The following SEMA6D variants were observed in gnomAD, a reference collection of about 807,000 sequenced individuals.
SEMA6D encodes the protein semaphorin-6D.
In SEMA6D, 35 loss-of-function variants were observed where a neutral mutation model predicts 106.6. The ratio of observed to expected loss-of-function variants is 0.33; its 90% CI spans 0.25 to 0.44. SEMA6D has a LOEUF of 0.44. Among genes scored for constraint, SEMA6D ranks in the 20% least tolerant of loss-of-function variants. SEMA6D has a pLI of 1.00. For missense variants in SEMA6D, 1,185 were observed against 1,345.9 expected (o/e 0.88, Z 1.87); for synonymous variants, 499 against 487.7 (o/e 1.02, Z -0.31).
At chr15:47,199,878 A>G (rs1278205672) in intron 1 of SEMA6D, among the ~76,000 whole-genome samples, 3 of 152,156 alleles carry the variant, frequency 2.0e-5, no homozygotes, top group African/African-American at 7.2e-5. Flanking sequence ...GCAGTGAGCT[A>G]GGTTAGCTAG....
intron 2 of SEMA6D, among the ~76,000 whole-genome samples, chr15:47,435,555 T>A (rs1315812893): frequency 6.6e-6 from 1 of 152,062 alleles, no homozygotes; most frequent in African/African-American, 2.4e-5. Flanking sequence ...GGGAAGTCTG[T>A]GGCTGCTGTG....
At chr15:47,392,691 G>T (rs1360564998) in intron 1 of SEMA6D, among the ~76,000 whole-genome samples, 11 of 152,284 alleles carry the variant, frequency 7.2e-5, no homozygotes, top group African/African-American at 2.6e-4. Context: ...TCCAGAAGTC[G>T]AAGATAATAA....
At chr15:47,519,052 C>G (rs1239878248) in intron 3 of SEMA6D, among the ~76,000 whole-genome samples, 1 of 152,012 alleles carries the variant, frequency 6.6e-6, no homozygotes, top group African/African-American at 2.4e-5. Context: ...TGGTGAAACC[C>G]TGTCTCTACT....
chr15:47,292,632 G>C (rs1192434074), intron 1 of SEMA6D, among the ~76,000 whole-genome samples: 1 of 152,086 alleles, frequency 6.6e-6, no homozygotes, highest in Non-Finnish European at 1.5e-5. Context: ...AGGAGGTCTT[G>C]GATTTCCATG....
At chr15:47,218,433 C>A (rs927644314) in intron 1 of SEMA6D, among the ~76,000 whole-genome samples, 1 of 152,114 alleles carries the variant, frequency 6.6e-6, no homozygotes, top group African/African-American at 2.4e-5. Context: ...GAGAATCTAA[C>A]CACCATCTAT....
At chr15:47,294,694 A>G (rs939002880) in intron 1 of SEMA6D, among the ~76,000 whole-genome samples, 1 of 152,166 alleles carries the variant, frequency 6.6e-6, no homozygotes. Context: ...CACTCTTGAT[A>G]GCATGCCTCT....
chr15:47,744,302 T>C (rs2080990358), intron 1 of SEMA6D, among the ~76,000 whole-genome samples: 1 of 152,124 alleles, frequency 6.6e-6, no homozygotes, highest in Non-Finnish European at 1.5e-5. Context: ...TGAATATCAA[T>C]GAGAGCTAGG....
intron 2 of SEMA6D, among the ~76,000 whole-genome samples, chr15:47,467,704 G>A (rs1187155173): frequency 6.6e-6 from 1 of 152,100 alleles, no homozygotes; most frequent in African/African-American, 2.4e-5. Context: ...TTAACTCATT[G>A]TCTCTTTTCT....
Position 47,764,994 on chromosome 15 carries a change from C to A in SEMA6D, c.1365C>A (p.Thr455=), listed in dbSNP as rs367892223. 14 of 1,613,792 alleles carry A rather than the reference C, an allele frequency of 8.7e-6. No individual in the cohort carries two copies. The highest frequency in any genetic ancestry group is 1.2e-5 in the Non-Finnish European group (14 of 1,179,840). Residue 455 remains threonine (T), a synonymous_variant, in exon 13 of 19, where the codon ACC becomes ACA. Coordinates refer to ENST00000536845, the MANE Select transcript of SEMA6D (RefSeq NM_001358351.3). The part of the protein sequence containing the change: ...AGMVLKVLAK[T]SPFSLNDSVL... ...TGGTACTTAAAGTTCTGGCAAAGAC[C>A]AGTCCTTTCTCTTTGAACGACAGCG...
intron 1 of SEMA6D, among the ~76,000 whole-genome samples, chr15:47,368,508 T>C (rs2039145827): frequency 6.6e-6 from 1 of 152,048 alleles, no homozygotes; most frequent in South Asian, 2.1e-4. Flanking sequence ...TCTCGCTCTG[T>C]CGCCCAGGCT....
chr15:47,418,140 A>G (rs2041037798), intron 2 of SEMA6D, among the ~76,000 whole-genome samples: 3 of 152,132 alleles, frequency 2.0e-5, no homozygotes, highest in Admixed American at 6.6e-5. Context: ...CTATGTAGAT[A>G]CCTTCTGAGA....
At chr15:47,712,137 A>G (rs1403004982) in intron 4 of SEMA6D, among the ~76,000 whole-genome samples, 6 of 152,260 alleles carry the variant, frequency 3.9e-5, no homozygotes, top group Non-Finnish European at 5.9e-5. Flanking sequence ...AAACTATGCT[A>G]TGAATCCTAT....
intron 1 of SEMA6D, among the ~76,000 whole-genome samples, chr15:47,223,638 T>G (rs1342505660): frequency 6.6e-6 from 1 of 152,034 alleles, no homozygotes; most frequent in African/African-American, 2.4e-5. Context: ...CAGCTTCCTG[T>G]GCATGAACTT....
At chr15:47,633,539 G>A (rs776483136) in intron 4 of SEMA6D, among the ~76,000 whole-genome samples, 17 of 152,072 alleles carry the variant, frequency 1.1e-4, no homozygotes, top group Non-Finnish European at 1.6e-4. Flanking sequence ...ATCTGTGGTT[G>A]CTTTCACAGT....
intron 1 of SEMA6D, among the ~76,000 whole-genome samples, chr15:47,238,103 T>C (rs532116074): frequency 6.6e-6 from 1 of 152,176 alleles, no homozygotes; most frequent in African/African-American, 2.4e-5. Flanking sequence ...TCTTTTTTGC[T>C]GTAGTGCATT....
intron 4 of SEMA6D, among the ~76,000 whole-genome samples, chr15:47,620,709 T>TAC (rs34978737): frequency 0.24 from 31,388 of 132,152 alleles, 4,027 homozygotes; most frequent in Non-Finnish European, 0.32. Context: ...TATATATATA[T>TAC]ACACACATAT....
At chr15:47,531,925 G>A (rs761314485) in intron 3 of SEMA6D, among the ~76,000 whole-genome samples, 1 of 152,170 alleles carries the variant, frequency 6.6e-6, no homozygotes, top group Non-Finnish European at 1.5e-5. Flanking sequence ...GTTCCTTGTG[G>A]TATTAGGTTG....
intron 2 of SEMA6D, among the ~76,000 whole-genome samples, chr15:47,413,603 C>A (rs8034507): frequency 0.012 from 1,869 of 152,154 alleles, 35 homozygotes; most frequent in African/African-American, 0.043. Flanking sequence ...CCCACCTCAG[C>A]CTCCTGAGTA....
chr15:47,619,736 T>A (rs2077066668), intron 4 of SEMA6D, among the ~76,000 whole-genome samples: 1 of 152,208 alleles, frequency 6.6e-6, no homozygotes, highest in Admixed American at 6.5e-5. Context: ...CTCTTTAGTG[T>A]GAATTTGAGG....
Sources: gnomAD v4.1 joint callset for allele counts (sites outside exome capture counted in the v4.1 genomes callset) on GRCh38, gnomAD v4.1.1 for gene constraint, MANE v1.5 for transcripts, NCBI Gene and HGNC (gene_info 2026-07-23, HGNC 2026-07-21) for gene names.